SGIP1: variants seen among roughly 807,000 people sequenced by gnomAD.
The protein encoded by SGIP1 is SH3GL interacting endocytic adaptor 1.
A neutral mutation model predicts 107.5 loss-of-function variants in SGIP1; 38 were observed. That is an observed-to-expected ratio of 0.35 (90% CI 0.27 to 0.46). The LOEUF (loss-of-function observed/expected upper bound fraction) is 0.46. Ranked by LOEUF, SGIP1 falls within the 20% of genes least tolerant of loss-of-function variation. SGIP1 has a pLI of 1.00. For synonymous variants in SGIP1, 365 were observed against 366.1 expected, an observed-to-expected ratio of 1.00 and a Z score of 0.03; for missense variants, 929 against 1,019.5, an observed-to-expected ratio of 0.91 and a Z score of 1.21.
chr1:66,749,762 G>A lies in SGIP1; in HGVS notation c.*6667G>A, dbSNP rs983183732. ...ATTACTTTTATGAATTTTTTTTCTC[G>A]CAAAGTAAATGCTTGATGTTATTCA... On this transcript the variant is annotated 3_prime_UTR_variant, in exon 25 of 25. Coordinates refer to ENST00000371037, the MANE Select transcript of SGIP1 (RefSeq NM_032291.4). Among the ~76,000 whole-genome samples, 2 of 151,410 alleles carry A rather than the reference G, an allele frequency of 1.3e-5. No individual in the cohort carries two copies. Among genetic ancestry groups the A allele is most frequent in the Non-Finnish European group, 2.9e-5 (2 of 67,864 alleles).
intron 3 of SGIP1, 119 bp from the exon 4 acceptor site, chr1:66,635,825 G>A (rs2075667236): frequency 1.0e-6 from 1 of 1,000,472 alleles, no homozygotes; most frequent in Non-Finnish European, 1.5e-6. Context: ...GTATGATTTG[G>A]CCTAGAGATG....
In SGIP1 at chr1:66,745,279, T is replaced by C. The variant is rs1177418999; in HGVS notation, c.*2184T>C. On this transcript the variant is annotated 3_prime_UTR_variant, in exon 25 of 25. Coordinates refer to ENST00000371037, the MANE Select transcript of SGIP1 (RefSeq NM_032291.4). ...TTTCTAGGGATTAAATTAGAAACTATGAAGAAATCCTATAATCTCTTAACT... is the reference window on the plus strand; with the variant it reads ...TTTCTAGGGATTAAATTAGAAACTACGAAGAAATCCTATAATCTCTTAACT... 1 of 152,014 alleles carries C rather than the reference T, an allele frequency of 6.6e-6. No individual in the cohort carries two copies. The highest frequency in any genetic ancestry group is 2.4e-5 in the African/African-American group (1 of 41,450). 9.4% of individuals were successfully genotyped at this position (152,014 alleles called of 1,614,324 possible). A position where few individuals can be genotyped will look rare whatever the true frequency, so the allele number is the denominator to read the frequency against.
At chr1:66,607,465 T>C (rs1242061227) in intron 1 of SGIP1, among the ~76,000 whole-genome samples, 2 of 152,130 alleles carry the variant, frequency 1.3e-5, no homozygotes, top group Non-Finnish European at 2.9e-5. Flanking sequence ...ACCATAGCGG[T>C]GGAGTGGGTT....
intron 1 of SGIP1, among the ~76,000 whole-genome samples, chr1:66,543,083 A>G (rs996163016): frequency 6.6e-6 from 1 of 152,232 alleles, no homozygotes; most frequent in Non-Finnish European, 1.5e-5. Context: ...ACAGTCATCA[A>G]CTTGAAGAAG....
intron 16 of SGIP1, among the ~76,000 whole-genome samples, chr1:66,689,875 C>G (rs547408619): frequency 3.9e-5 from 6 of 152,150 alleles, no homozygotes; most frequent in African/African-American, 9.7e-5. Flanking sequence ...TAGCTTTAGA[C>G]GAGTATGAGT....
At chr1:66,686,755 A>G (rs1377643661) in intron 15 of SGIP1, among the ~76,000 whole-genome samples, 2 of 152,256 alleles carry the variant, frequency 1.3e-5, no homozygotes, top group Admixed American at 6.5e-5. Context: ...AAATCAGTAC[A>G]GAAAAAGTGA....
intron 1 of SGIP1, among the ~76,000 whole-genome samples, chr1:66,620,440 C>A (rs925544337): frequency 6.6e-6 from 1 of 152,090 alleles, no homozygotes; most frequent in African/African-American, 2.4e-5. Context: ...GTTTAATTGA[C>A]TCACAGTTCC....
chr1:66,713,791 A>G (rs1256132699), intron 18 of SGIP1, among the ~76,000 whole-genome samples: 1 of 152,180 alleles, frequency 6.6e-6, no homozygotes, highest in Admixed American at 6.6e-5. Context: ...TGAATAAAAT[A>G]AACATGCATT....
chr1:66,667,892 A>T (rs2082927810), intron 9 of SGIP1, among the ~76,000 whole-genome samples: 2 of 152,186 alleles, frequency 1.3e-5, no homozygotes, highest in South Asian at 4.1e-4. Flanking sequence ...TAGCAAAGAG[A>T]TAATAAAGAA....
intron 1 of SGIP1, among the ~76,000 whole-genome samples, chr1:66,543,822 C>T (rs763975318): frequency 3.9e-5 from 6 of 152,080 alleles, no homozygotes; most frequent in Non-Finnish European, 7.4e-5. Flanking sequence ...CTACCTACCT[C>T]GTAGAGTCAT....
At chr1:66,617,190 A>G (rs1045620183) in intron 1 of SGIP1, among the ~76,000 whole-genome samples, 13 of 152,182 alleles carry the variant, frequency 8.5e-5, no homozygotes, top group Non-Finnish European at 2.9e-5. Flanking sequence ...ACATTTACTG[A>G]ATGACTGCCT....
At chr1:66,658,644 T>G (rs905871986) in intron 7 of SGIP1, among the ~76,000 whole-genome samples, 1 of 152,218 alleles carries the variant, frequency 6.6e-6, no homozygotes, top group African/African-American at 2.4e-5. Flanking sequence ...CTAGAGAGAA[T>G]CCATGCATAG....
chr1:66,589,093 T>C (rs1450190827), intron 1 of SGIP1, among the ~76,000 whole-genome samples: 4 of 148,116 alleles, frequency 2.7e-5, no homozygotes, highest in African/African-American at 7.4e-5. Flanking sequence ...AGCATCTGAA[T>C]ATGTCATCAT....
At chr1:66,562,174 C>A (rs989577573) in intron 1 of SGIP1, among the ~76,000 whole-genome samples, 5 of 151,924 alleles carry the variant, frequency 3.3e-5, no homozygotes, top group African/African-American at 9.7e-5. Context: ...AGCAGAGTGC[C>A]AGAGTATATG....
chr1:66,558,305 C>T (rs563386188), intron 1 of SGIP1, among the ~76,000 whole-genome samples: 13 of 152,016 alleles, frequency 8.6e-5, no homozygotes, highest in African/African-American at 2.2e-4. Flanking sequence ...AATACTCTGC[C>T]GTCACTTTCT....
chr1:66,638,324 C>T (rs189517800), intron 4 of SGIP1, among the ~76,000 whole-genome samples: 10 of 152,256 alleles, frequency 6.6e-5, no homozygotes, highest in East Asian at 3.9e-4. Flanking sequence ...GGCTTCGTAA[C>T]GTACACATAG....
At chr1:66,646,345 A>C (rs1364644755) in intron 7 of SGIP1, among the ~76,000 whole-genome samples, 1 of 152,212 alleles carries the variant, frequency 6.6e-6, no homozygotes, top group Non-Finnish European at 1.5e-5. Flanking sequence ...AGTTAATGAT[A>C]TATCAGAATA....
intron 1 of SGIP1, among the ~76,000 whole-genome samples, chr1:66,544,570 T>C (rs1308158012): frequency 1.3e-5 from 2 of 152,126 alleles, no homozygotes; most frequent in Non-Finnish European, 2.9e-5. Context: ...GCACCTGTAC[T>C]CCCAGCTAAT....
chr1:66,625,901 C>T lies in SGIP1; in HGVS notation c.65C>T (p.Thr22Ile), dbSNP rs1259129888. ...AFGIRKKEKD[T>I]DSTGSPDRDG... Reference sequence around the variant, plus strand: ...GGAATACGGAAGAAAGAAAAGGACACTGATTCTACGTATGTACTTTAGGAG... The same window carrying T: ...GGAATACGGAAGAAAGAAAAGGACATTGATTCTACGTATGTACTTTAGGAG... The change falls in exon 2 of 25, where the codon ACT becomes ATT. Residue 22 changes from threonine to isoleucine, a missense_variant. Around this residue, in one of 2 missense-constraint regions of SGIP1, gnomAD observed 588 missense variants for 588.6 expected, o/e 1.00. Coordinates refer to ENST00000371037, the MANE Select transcript of SGIP1 (RefSeq NM_032291.4). 1.2e-6 allele frequency: 2 copies of T among 1,612,206 alleles called. No homozygotes were observed. Among genetic ancestry groups the T allele is most frequent in the African/African-American group, 1.3e-5 (1 of 74,816 alleles).
Sources: gnomAD v4.1 joint callset for allele counts (sites outside exome capture counted in the v4.1 genomes callset) on GRCh38, gnomAD v4.1.1 for gene constraint, gnomAD v4.1.1 regional missense constraint, MANE v1.5 for transcripts, NCBI Gene and HGNC (gene_info 2026-07-23, HGNC 2026-07-21) for gene names.